PRKAG2: variants seen among roughly 807,000 people sequenced by gnomAD.
PRKAG2 encodes the protein protein kinase AMP-activated non-catalytic subunit gamma 2.
PRKAG2 carries 26 observed loss-of-function variants against 69.6 expected under a neutral mutation model. The ratio of observed to expected loss-of-function variants is 0.37; its 90% CI spans 0.27 to 0.52. The LOEUF (loss-of-function observed/expected upper bound fraction) is 0.52, where lower values mean the gene tolerates loss of function less well. Ranked by LOEUF, PRKAG2 falls within the 20% of genes least tolerant of loss-of-function variation. The probability of loss-of-function intolerance (pLI) is 0.90; values close to 1 mark genes in which losing one functional copy is unlikely to be tolerated. For missense variants in PRKAG2, 557 were observed against 740.0 expected (o/e 0.75, Z 2.87); for synonymous variants, 293 against 285.0 (o/e 1.03, Z -0.28).
intron 1 of PRKAG2, among the ~76,000 whole-genome samples, chr7:151,812,820 A>G (rs2078489009): frequency 6.6e-6 from 1 of 150,914 alleles, no homozygotes; most frequent in Non-Finnish European, 1.5e-5. Flanking sequence ...TTGTGACTTT[A>G]GGCAAAGAAG....
At chr7:151,799,651 T>C (rs1488588946) in intron 1 of PRKAG2, among the ~76,000 whole-genome samples, 1 of 152,194 alleles carries the variant, frequency 6.6e-6, no homozygotes, top group Non-Finnish European at 1.5e-5. Flanking sequence ...GAACCTGTCG[T>C]GTCCTCCAGA....
chr7:151,559,534 C>A, intron 15 of PRKAG2: 11 of 983,026 alleles, frequency 1.1e-5, no homozygotes, highest in Non-Finnish European at 1.3e-5. Flanking sequence ...GCCTGAGGAC[C>A]ACCTCGGAAA....
In PRKAG2 at chr7:151,556,318, T is replaced by C. The variant is rs1363792005; in HGVS notation, c.*883A>G. 1 of 152,608 alleles carries C rather than the reference T, an allele frequency of 6.6e-6. No homozygotes were observed. Among genetic ancestry groups the C allele is most frequent in the African/African-American group, 2.4e-5 (1 of 41,442 alleles). The allele number at this position is 152,608 out of a possible 1,614,324, so 9.5% of individuals were successfully genotyped here. On this transcript the variant is annotated 3_prime_UTR_variant, in exon 16 of 16. Coordinates refer to ENST00000287878, the MANE Select transcript of PRKAG2 (RefSeq NM_016203.4). ...AATAAAATTTACAAAAACAATCGCATCAGCAGTCATAACAAACATCATGAT... is the reference window on the plus strand; with the variant it reads ...AATAAAATTTACAAAAACAATCGCACCAGCAGTCATAACAAACATCATGAT...
intron 1 of PRKAG2, among the ~76,000 whole-genome samples, chr7:151,821,040 G>A (rs13311042): frequency 0.099 from 811 of 8,204 alleles, 1 homozygote; most frequent in Middle Eastern, 0.25. Context: ...CCTCAGTCCC[G>A]GCCAGAAGGA....
chr7:151,564,184 G>A lies in PRKAG2; in HGVS notation c.1478C>T (p.Thr493Met). The A allele has an allele frequency of 1.9e-6, 3 of 1,614,140 alleles. No individual in the cohort carries two copies. Among genetic ancestry groups the A allele is most frequent in the Non-Finnish European group, 2.5e-6 (3 of 1,180,000 alleles). Residue 493 changes from threonine (T) to methionine (M), a missense_variant, in exon 14 of 16, where the codon ACG (threonine) becomes ATG (methionine). Coordinates refer to ENST00000287878, the MANE Select transcript of PRKAG2 (RefSeq NM_016203.4). ...AEKTYNNLDI[T>M]VTQALQHRSQ... ...ACGGTGCTGAAGGGCCTGGGTCACC[G>A]TGATATCTAGGTTATTGTATGTTTT...
chr7:151,562,482 A>AATC (rs1805284099), intron 14 of PRKAG2, among the ~76,000 whole-genome samples: 1 of 151,790 alleles, frequency 6.6e-6, no homozygotes, highest in Admixed American at 6.6e-5. Flanking sequence ...TAATAATAAT[A>AATC]ATAATGGCTT....
At chr7:151,740,683 CGTGAGTAT>C (rs2073819171) in intron 3 of PRKAG2, among the ~76,000 whole-genome samples, 1 of 152,178 alleles carries the variant, frequency 6.6e-6, no homozygotes, top group Non-Finnish European at 1.5e-5. Context: ...ATGAAAAAGC[CGTGAGTAT>C]GTGAGCCGTG....
At chr7:151,813,915 A>G (rs987734909) in intron 1 of PRKAG2, among the ~76,000 whole-genome samples, 1 of 152,200 alleles carries the variant, frequency 6.6e-6, no homozygotes, top group African/African-American at 2.4e-5. Context: ...CCCCCACATC[A>G]TCCCCAGTCT....
chr7:151,681,357 G>T (rs185524871), intron 3 of PRKAG2, among the ~76,000 whole-genome samples: 1 of 152,180 alleles, frequency 6.6e-6, no homozygotes, highest in African/African-American at 2.4e-5. Context: ...TCCAGAGCTG[G>T]TGACTCCTGT....
chr7:151,737,484 C>A (rs1026003896), intron 3 of PRKAG2, among the ~76,000 whole-genome samples: 1 of 152,200 alleles, frequency 6.6e-6, no homozygotes, highest in Non-Finnish European at 1.5e-5. Flanking sequence ...AGATTAGTAG[C>A]CTGGGTTCTT....
chr7:151,577,980 T>C (rs1585011963), intron 6 of PRKAG2, among the ~76,000 whole-genome samples: 2 of 150,292 alleles, frequency 1.3e-5, no homozygotes, highest in South Asian at 4.2e-4. Context: ...TGTTACATTA[T>C]GGTATGGTTA....
chr7:151,759,262 T>G (rs1178719878), intron 3 of PRKAG2, among the ~76,000 whole-genome samples: 1 of 152,150 alleles, frequency 6.6e-6, no homozygotes, highest in Non-Finnish European at 1.5e-5. Flanking sequence ...TCTCCCTGGC[T>G]CCATCTCACC....
chr7:151,657,363 T>C (rs1829589085), intron 4 of PRKAG2, among the ~76,000 whole-genome samples: 1 of 152,196 alleles, frequency 6.6e-6, no homozygotes, highest in Non-Finnish European at 1.5e-5. Flanking sequence ...TGCTGGACTG[T>C]TCTGTGTGTC....
chr7:151,731,535 T>TGTGTGCGC (rs10689682), intron 3 of PRKAG2, among the ~76,000 whole-genome samples: 1 of 151,582 alleles, frequency 6.6e-6, no homozygotes, highest in African/African-American at 2.4e-5. Flanking sequence ...TGTGTGTGTG[T>TGTGTGCGC]GCGCACAGGT....
At chr7:151,749,360 G>A (rs77047144) in intron 3 of PRKAG2, among the ~76,000 whole-genome samples, 2,966 of 152,224 alleles carry the variant, frequency 0.019, 101 homozygotes, top group African/African-American at 0.068. Flanking sequence ...GTAGTCCCCG[G>A]TATCCACCTC....
At chr7:151,827,003 A>G (rs2078916564) in intron 1 of PRKAG2, among the ~76,000 whole-genome samples, 1 of 152,196 alleles carries the variant, frequency 6.6e-6, no homozygotes, top group Non-Finnish European at 1.5e-5. Flanking sequence ...AAAATTTAAC[A>G]TGGAAGGCTG....
At chr7:151,713,467 G>A (rs887738534) in intron 3 of PRKAG2, among the ~76,000 whole-genome samples, 9 of 151,954 alleles carry the variant, frequency 5.9e-5, no homozygotes, top group African/African-American at 2.2e-4. Flanking sequence ...TACTTTTTTA[G>A]TATGGAAAAA....
rs1261857641 is a variant in PRKAG2 at position 151,781,156 on chromosome 7, T to C, written c.462A>G (p.Arg154=). The part of the protein sequence containing the change: ...PGGIRFFSRS[R]KTSGLSSSPS... Reference sequence around the variant, plus strand: ...ACAATAGCATCAAGGTCTTACTTTTTCTGGAGCGGGAGAAAAACCTGATGC... The same window carrying C: ...ACAATAGCATCAAGGTCTTACTTTTCCTGGAGCGGGAGAAAAACCTGATGC... The change falls in exon 3 of 16, where the codon AGA becomes AGG. Residue 154 remains arginine (R), a synonymous_variant. Transcript: ENST00000287878. The surrounding 1 kb of genome is among the most constrained non-coding windows in gnomAD (Gnocchi z 6.1). 6.2e-7 allele frequency: 1 copy of C among 1,613,906 alleles called. No homozygotes were observed. Among genetic ancestry groups the C allele is most frequent in the South Asian group, 1.1e-5 (1 of 91,072 alleles).
At chr7:151,846,093 C>G (rs1209675791) in intron 1 of PRKAG2, among the ~76,000 whole-genome samples, 1 of 152,178 alleles carries the variant, frequency 6.6e-6, no homozygotes, top group Non-Finnish European at 1.5e-5. Context: ...CACGATTTAC[C>G]CTGATGGGCA....
Sources: allele counts gnomAD v4.1 joint callset (sites outside exome capture counted in the v4.1 genomes callset), GRCh38; gene constraint gnomAD v4.1.1; non-coding constraint Gnocchi (gnomAD v3.1); transcripts MANE v1.5; gene names NCBI Gene and HGNC (gene_info 2026-07-23, HGNC 2026-07-21).